Variants in DACH2 observed in about 807,000 individuals in gnomAD.
DACH2 encodes the protein dachshund homolog 2.
Under a neutral mutation model 35.8 loss-of-function variants are expected in DACH2, and 17 were observed. The ratio of observed to expected loss-of-function variants is 0.48; its 90% CI spans 0.33 to 0.71. The LOEUF is 0.71. DACH2 is among the 30% of genes least tolerant of loss of function. DACH2 has a pLI of 0.02. For synonymous variants in DACH2, 195 were observed against 177.3 expected, an observed-to-expected ratio of 1.10 and a Z score of -0.79; for missense variants, 469 against 472.7, an observed-to-expected ratio of 0.99 and a Z score of 0.07.
intron 1 of DACH2, among the ~76,000 whole-genome samples, chrX:86,325,867 T>A (rs776803623): frequency 8.9e-6 from 1 of 111,923 alleles, no homozygotes; most frequent in Non-Finnish European, 1.9e-5. Flanking sequence ...ATGGGTTTGA[T>A]CCTTGCTCAG....
chrX:86,695,149 C>A lies in DACH2; in HGVS notation c.901C>A (p.Pro301Thr). ...CATTGGGGGTGCTCCAACCCTCAAT[C>A]CACTGCAGCAGAACCACCTGCTAAC... ...PGIGGAPTLN[P>T]LQQNHLLTNR... The change falls in exon 5 of 12, where the codon CCA (proline) becomes ACA (threonine). Residue 301 changes from proline to threonine, a missense_variant. By Grantham distance (38) the Pro-to-Thr change is conservative (BLOSUM62 -1). Transcript: ENST00000373125. 1 of 1,096,986 alleles carries A rather than the reference C, an allele frequency of 9.1e-7. No individual in the cohort carries two copies. The highest frequency in any genetic ancestry group is 2.6e-5 in the South Asian group (1 of 37,949). The allele number at this position is 1,096,986 out of a possible 1,213,427, so 90.4% of individuals were successfully genotyped here.
intron 1 of DACH2, among the ~76,000 whole-genome samples, chrX:86,206,699 A>G (rs897816368): frequency 1.8e-5 from 2 of 111,717 alleles, no homozygotes; most frequent in Admixed American, 1.9e-4. Flanking sequence ...GTAAATGGGA[A>G]ACATAATAGC....
At chrX:86,159,142 A>G (rs181824375) in intron 1 of DACH2, among the ~76,000 whole-genome samples, 52 of 111,533 alleles carry the variant, frequency 4.7e-4, no homozygotes, top group South Asian at 1.5e-3. Flanking sequence ...AAATTATGTT[A>G]AAAAGCTTGC....
chrX:86,332,343 T>C (rs2035228601), intron 1 of DACH2, among the ~76,000 whole-genome samples: 1 of 111,561 alleles, frequency 9.0e-6, no homozygotes, highest in Admixed American at 9.6e-5. Flanking sequence ...AGAATCATAA[T>C]TGTGGCCTCC....
intron 1 of DACH2, among the ~76,000 whole-genome samples, chrX:86,251,179 T>C (rs1432286750): frequency 9.0e-6 from 1 of 110,769 alleles, no homozygotes; most frequent in African/African-American, 3.3e-5. Context: ...CCGTTAAAAA[T>C]AGAGATACAT....
intron 7 of DACH2, among the ~76,000 whole-genome samples, chrX:86,795,346 G>A (rs12838025): frequency 0.33 from 34,871 of 105,349 alleles, 4,820 homozygotes; most frequent in Middle Eastern, 0.42. Flanking sequence ...CCATTCTTCC[G>A]CCTCAGCCTC....
intron 7 of DACH2, among the ~76,000 whole-genome samples, chrX:86,763,615 G>A (rs1167948517): frequency 2.7e-5 from 3 of 110,868 alleles, no homozygotes; most frequent in South Asian, 3.9e-4. Context: ...CACCACGCCC[G>A]GCTGTTTTTT....
At chrX:86,495,364 T>A (rs1410751610) in intron 2 of DACH2, among the ~76,000 whole-genome samples, 1 of 110,267 alleles carries the variant, frequency 9.1e-6, no homozygotes, top group Non-Finnish European at 1.9e-5. Context: ...AGACTTTTTT[T>A]TTTTTTAACT....
chrX:86,772,884 T>C (rs1282310853), intron 7 of DACH2, among the ~76,000 whole-genome samples: 1 of 111,082 alleles, frequency 9.0e-6, no homozygotes, highest in African/African-American at 3.3e-5. Context: ...TTTCCTACTA[T>C]ATAAGACAGT....
chrX:86,487,423 C>A (rs1356537072), intron 2 of DACH2, among the ~76,000 whole-genome samples: 2 of 111,499 alleles, frequency 1.8e-5, no homozygotes, highest in Admixed American at 1.9e-4. Flanking sequence ...TTAGTAAGTC[C>A]CACATAGCCC....
intron 7 of DACH2, among the ~76,000 whole-genome samples, chrX:86,812,490 A>G (rs1333826544): frequency 8.9e-6 from 1 of 112,094 alleles, no homozygotes; most frequent in East Asian, 2.8e-4. Flanking sequence ...AGATAAATAA[A>G]TTGATTGATT....
chrX:86,195,160 C>T (rs1338254987), intron 1 of DACH2, among the ~76,000 whole-genome samples: 1 of 112,547 alleles, frequency 8.9e-6, no homozygotes, highest in East Asian at 2.8e-4. Flanking sequence ...CCTTGCCTGC[C>T]AGCCAGAATA....
chrX:86,245,345 G>A (rs5968841), intron 1 of DACH2, among the ~76,000 whole-genome samples: 1 of 111,359 alleles, frequency 9.0e-6, no homozygotes, highest in East Asian at 2.8e-4. Flanking sequence ...GGACTCTGTT[G>A]CTCCACTACT....
chrX:86,159,146 AG>A (rs2030659700), intron 1 of DACH2, among the ~76,000 whole-genome samples: 1 of 111,547 alleles, frequency 9.0e-6, no homozygotes, highest in Non-Finnish European at 1.9e-5. Flanking sequence ...TATGTTAAAA[AG>A]CTTGCTTTGA....
chrX:86,667,596 GAAAGAAAGAAAGAAAGA>G (rs2040711910), intron 4 of DACH2, among the ~76,000 whole-genome samples: 5 of 104,701 alleles, frequency 4.8e-5, no homozygotes, highest in African/African-American at 1.5e-4. Context: ...AAGAAAGAAA[GAAAGAAAGAAAGAAAGA>G]AAGGCAGGCA....
At chrX:86,315,597 C>T (rs1470793026) in intron 1 of DACH2, among the ~76,000 whole-genome samples, 2 of 111,745 alleles carry the variant, frequency 1.8e-5, no homozygotes, top group Non-Finnish European at 3.8e-5. Flanking sequence ...CCATTAAGAA[C>T]ATTTGTGACT....
rs201570770 is a variant in DACH2 at position 86,177,787 on chromosome X, GT to G, written c.488+28683del. ...CTCTTGTTTAGGGAGAAAGAAGGCA[GT>G]TTTATTGTTAAAATTTTAGTTTTGT... On this transcript the variant is annotated intron_variant, in intron 1 of 11. Coordinates refer to ENST00000373125, the MANE Select transcript of DACH2 (RefSeq NM_053281.3). 4.8e-3 allele frequency among the ~76,000 whole-genome samples: 529 copies of G among 111,124 alleles called. 14 individuals are homozygous for G. In the East Asian group the frequency reaches 0.096, roughly 20 times the overall value.
At chrX:86,719,434 T>G (rs1006848619) in intron 6 of DACH2, among the ~76,000 whole-genome samples, 22 of 112,198 alleles carry the variant, frequency 2.0e-4, no homozygotes, top group African/African-American at 7.1e-4. Flanking sequence ...CCTTTTCAAT[T>G]TGGATGCCTT....
chrX:86,675,057 G>A (rs1161902743), intron 4 of DACH2, among the ~76,000 whole-genome samples: 1 of 111,623 alleles, frequency 9.0e-6, no homozygotes, highest in Non-Finnish European at 1.9e-5. Context: ...TTGCATATAT[G>A]CACATCCCTT....
Sources: gnomAD v4.1 joint callset for allele counts (sites outside exome capture counted in the v4.1 genomes callset) on GRCh38, gnomAD v4.1.1 for gene constraint, MANE v1.5 for transcripts, NCBI Gene and HGNC (gene_info 2026-07-23, HGNC 2026-07-21) for gene names.